Variants in GGT1 observed in about 807,000 individuals in gnomAD.
GGT1 encodes gamma-glutamyltransferase 1.
Under a neutral mutation model 56.0 loss-of-function variants are expected in GGT1, and 21 were observed. That is an observed-to-expected ratio of 0.38 (90% CI 0.27 to 0.54). The LOEUF (loss-of-function observed/expected upper bound fraction) is 0.54. Among genes scored for constraint, GGT1 ranks in the 20% least tolerant of loss-of-function variants. The pLI is 0.82. For synonymous variants in GGT1, 238 were observed against 342.6 expected (o/e 0.69, Z 3.37); for missense variants, 466 against 787.0 (o/e 0.59, Z 4.88).
chr22:24,584,399 CAGTG>C, the GGT1 span, among the ~76,000 whole-genome samples: 3 of 152,222 alleles, frequency 2.0e-5, no homozygotes, highest in Non-Finnish European at 4.4e-5. Flanking sequence ...CCGCCTAAAG[CAGTG>C]AGATCAGTGG....
chr22:24,615,162 G>A, intron 7 of GGT1, 35 bp downstream of exon 7: 3 of 1,480,836 alleles, frequency 2.0e-6, no homozygotes, highest in Non-Finnish European at 2.8e-6. Context: ...CGTGGGTGCA[G>A]AGCTGGCTGA....
chr22:24,595,231 C>A (rs1031839942), intron 1 of GGT1, among the ~76,000 whole-genome samples: 7 of 152,172 alleles, frequency 4.6e-5, no homozygotes, highest in Non-Finnish European at 1.0e-4. Flanking sequence ...AGGGTGGTGT[C>A]TGGGCCTAGA....
chr22:24,598,933 A>T (rs758145814), upstream of GGT1, among the ~76,000 whole-genome samples: 6 of 152,104 alleles, frequency 3.9e-5, no homozygotes, highest in African/African-American at 7.2e-5. Context: ...TTTTTTAAAA[A>T]AATTAATTAA....
chr22:24,619,834 T>A lies in GGT1; in HGVS notation c.383-494T>A, dbSNP rs374753275. On this transcript the variant is annotated intron_variant, in intron 7 of 15. Coordinates refer to ENST00000400382, the MANE Select transcript of GGT1 (RefSeq NM_001288833.2). ...TTGTGGTCAGTGAGATGGGAGGGGG[T>A]CTGGCCTGGCACAGGATTTTAGACA... Among the ~76,000 whole-genome samples, 98 of 149,988 alleles carry A rather than the reference T, an allele frequency of 6.5e-4. 1 individual carries two copies. In the South Asian group the frequency reaches 0.02, roughly 31 times the overall value.
rs1039222790 is a variant in GGT1, at chr22:24,626,701, C to T, written c.1021-731C>T. Among the ~76,000 whole-genome samples the T allele has an allele frequency of 1.1e-4, 16 of 151,282 alleles. No homozygotes were observed. In the South Asian group the frequency reaches 2.5e-3, roughly 24 times the overall value. ...CACAGCCTCCCCTTTGGGCTTTATC[C>T]TTATCCCCATCATAGCTGCCAGAGG... On this transcript the variant is annotated intron_variant, in intron 11 of 15. Coordinates refer to ENST00000400382, the MANE Select transcript of GGT1 (RefSeq NM_001288833.2).
the GGT1 span, chr22:24,585,722 G>T: frequency 1.2e-6 from 1 of 817,238 alleles, no homozygotes. Context: ...GCCAGGGCTG[G>T]CCACCTGGCC....
chr22:24,595,783 C>T (rs1424255349), intron 1 of GGT1, among the ~76,000 whole-genome samples: 1 of 152,198 alleles, frequency 6.6e-6, no homozygotes, highest in Non-Finnish European at 1.5e-5. Context: ...TCCAGCTGGC[C>T]CAATGGGCAG....
At chr22:24,590,860 AC>A (rs372468368), upstream of GGT1, among the ~76,000 whole-genome samples, 1 of 150,950 alleles carries the variant, frequency 6.6e-6, no homozygotes, top group African/African-American at 2.4e-5. Context: ...AAGCTCTGGA[AC>A]CCCCCAGCAC....
At chr22:24,618,419 C>G (rs1257807323) in intron 7 of GGT1, among the ~76,000 whole-genome samples, 3 of 152,084 alleles carry the variant, frequency 2.0e-5, no homozygotes, top group African/African-American at 7.2e-5. Flanking sequence ...GGCAAAACCC[C>G]ATCTGTACTA....
upstream of GGT1, among the ~76,000 whole-genome samples, chr22:24,598,818 G>A (rs549787670): frequency 1.2e-3 from 184 of 152,264 alleles, no homozygotes; most frequent in Non-Finnish European, 1.6e-3. Flanking sequence ...CTCCCAAAGC[G>A]CTGGGATTAT....
At chr22:24,587,057 C>A in the GGT1 span, among the ~76,000 whole-genome samples, 1 of 152,232 alleles carries the variant, frequency 6.6e-6, no homozygotes, top group Non-Finnish European at 1.5e-5. Flanking sequence ...TCCATGGCCA[C>A]ACACCACTAA....
intron 1 of GGT1, among the ~76,000 whole-genome samples, chr22:24,597,260 C>T (rs938869279): frequency 6.6e-6 from 1 of 152,124 alleles, no homozygotes; most frequent in African/African-American, 2.4e-5. Flanking sequence ...GGATTACAGG[C>T]GTGAGCCACT....
chr22:24,593,183 G>A (rs1163080889), upstream of GGT1: 5 of 853,016 alleles, frequency 5.9e-6, no homozygotes, highest in African/African-American at 1.8e-5. Context: ...CCCACCCCGC[G>A]CCGGAGCGAG....
chr22:24,605,874 T>TATA (rs1555898346), intron 1 of GGT1, among the ~76,000 whole-genome samples: 2 of 78,340 alleles, frequency 2.6e-5, no homozygotes, highest in Non-Finnish European at 4.4e-5. Flanking sequence ...TTATATATTA[T>TATA]ATAATATATG....
Position 24,621,084 on chromosome 22 carries a change from C to T in GGT1, c.733+14C>T. 9.0e-6 allele frequency: 14 copies of T among 1,561,606 alleles called. No individual in the cohort carries two copies. Among genetic ancestry groups the T allele is most frequent in the Non-Finnish European group, 1.2e-5 (14 of 1,152,718 alleles). On this transcript the variant is annotated intron_variant, in intron 9 of 15. Coordinates refer to ENST00000400382, the MANE Select transcript of GGT1 (RefSeq NM_001288833.2). ...TCCAGGCGGCCGGTGAGTGGGTAAC[C>T]TCAGGGGCCTGGGTGAGGAACTCTG... is the stretch of plus-strand genomic sequence containing the variant.
chr22:24,623,051 C>G, intron 9 of GGT1, 56 bp from the exon 10 acceptor site: 2 of 1,609,652 alleles, frequency 1.2e-6, no homozygotes, highest in South Asian at 1.1e-5. Context: ...GCTCCATCCT[C>G]CACGCAGTGG....
chr22:24,588,556 C>A, the GGT1 span: 1 of 792,630 alleles, frequency 1.3e-6, no homozygotes, highest in South Asian at 2.0e-5. Flanking sequence ...GGTCCAGTCC[C>A]GCAGTGCCCG....
the GGT1 span, chr22:24,589,459 A>G: frequency 1.3e-6 from 1 of 795,196 alleles, no homozygotes; most frequent in African/African-American, 1.9e-5. Flanking sequence ...AGAGGCTAGG[A>G]GTTTGTTTCC....
the GGT1 span, among the ~76,000 whole-genome samples, chr22:24,587,118 G>A: frequency 2.6e-5 from 4 of 152,148 alleles, no homozygotes; most frequent in Non-Finnish European, 5.9e-5. Context: ...GAGCCCACAT[G>A]TTTTTTTCCC....
Sources: gnomAD v4.1 joint callset for allele counts (sites outside exome capture counted in the v4.1 genomes callset) on GRCh38, gnomAD v4.1.1 for gene constraint, MANE v1.5 for transcripts, NCBI Gene and HGNC (gene_info 2026-07-23, HGNC 2026-07-21) for gene names.